The following UNC13C variants were observed in gnomAD, a reference collection of about 807,000 sequenced individuals.
UNC13C encodes unc-13 homolog C.
A neutral mutation model predicts 245.4 loss-of-function variants in UNC13C; 174 were observed. That is an observed-to-expected ratio of 0.71 (90% CI 0.63 to 0.80). The LOEUF (loss-of-function observed/expected upper bound fraction) is 0.80. UNC13C is among the 30% of genes least tolerant of loss of function. The pLI, the probability that UNC13C is intolerant of heterozygous loss-of-function variation, is 0.00. For missense variants in UNC13C, 2,829 were observed against 2,602.9 expected, an observed-to-expected ratio of 1.09 and a Z score of -1.89; for synonymous variants, 992 against 895.1, an observed-to-expected ratio of 1.11 and a Z score of -1.93.
the UNC13C span, among the ~76,000 whole-genome samples, chr15:53,851,378 A>G: frequency 2.0e-5 from 3 of 152,182 alleles, no homozygotes; most frequent in Admixed American, 2.0e-4. Flanking sequence ...AAGTAACAGG[A>G]GCTACCTTTA....
intron 4 of UNC13C, among the ~76,000 whole-genome samples, chr15:54,207,802 T>C (rs1275783194): frequency 1.3e-5 from 2 of 152,174 alleles, no homozygotes; most frequent in African/African-American, 2.4e-5. Context: ...ACCAGACTGG[T>C]TGGGTTCAAA....
At chr15:54,377,120 C>T (rs901992502) in intron 17 of UNC13C, among the ~76,000 whole-genome samples, 2 of 152,148 alleles carry the variant, frequency 1.3e-5, no homozygotes, top group Non-Finnish European at 2.9e-5. Context: ...AATGGATTTT[C>T]CTTCAGAGCC....
chr15:54,448,596 C>T (rs1235034783), intron 19 of UNC13C, among the ~76,000 whole-genome samples: 1 of 152,082 alleles, frequency 6.6e-6, no homozygotes, highest in Non-Finnish European at 1.5e-5. Flanking sequence ...AGGATTGCAA[C>T]CCCTGCCTTT....
At chr15:53,852,370 C>T in the UNC13C span, among the ~76,000 whole-genome samples, 1 of 152,044 alleles carries the variant, frequency 6.6e-6, no homozygotes, top group East Asian at 1.9e-4. Flanking sequence ...TGATTCCAGG[C>T]CTTATGTGAG....
intron 4 of UNC13C, among the ~76,000 whole-genome samples, chr15:54,177,107 A>T (rs1382513206): frequency 6.6e-6 from 1 of 152,128 alleles, no homozygotes; most frequent in Non-Finnish European, 1.5e-5. Flanking sequence ...TGAAAAAAAG[A>T]TTTTAAAAAA....
the UNC13C span, among the ~76,000 whole-genome samples, chr15:53,900,866 C>A: frequency 1.3e-5 from 2 of 152,170 alleles, no homozygotes; most frequent in African/African-American, 4.8e-5. Context: ...ATAGGCACTT[C>A]ATGCTCCCTG....
At chr15:54,586,475 G>T (rs1265742379) in intron 30 of UNC13C, among the ~76,000 whole-genome samples, 1 of 152,036 alleles carries the variant, frequency 6.6e-6, no homozygotes, top group Non-Finnish European at 1.5e-5. Context: ...GAGATCTCTG[G>T]TATCTCTTCC....
intron 29 of UNC13C, among the ~76,000 whole-genome samples, chr15:54,563,900 T>G (rs532199470): frequency 6.6e-6 from 1 of 152,156 alleles, no homozygotes; most frequent in African/African-American, 2.4e-5. Context: ...AAGGTCCATG[T>G]AATAACTGCA....
At chr15:53,949,729 A>G in the UNC13C span, among the ~76,000 whole-genome samples, 11 of 152,320 alleles carry the variant, frequency 7.2e-5, no homozygotes, top group Admixed American at 5.2e-4. Flanking sequence ...GCAAAAATGC[A>G]GATTCCTGGA....
intron 8 of UNC13C, among the ~76,000 whole-genome samples, chr15:54,251,389 T>C (rs1400296156): frequency 6.6e-6 from 1 of 152,226 alleles, no homozygotes; most frequent in African/African-American, 2.4e-5. Context: ...AGAGGGTTAT[T>C]GGAAAGGCTA....
At chr15:54,113,564 A>T (rs2029983283) in intron 2 of UNC13C, among the ~76,000 whole-genome samples, 1 of 152,088 alleles carries the variant, frequency 6.6e-6, no homozygotes, top group South Asian at 2.1e-4. Context: ...ACATTATAAG[A>T]TGCTGTAATC....
chr15:54,333,150 A>G (rs1196581402), intron 15 of UNC13C, among the ~76,000 whole-genome samples: 1 of 152,088 alleles, frequency 6.6e-6, no homozygotes, highest in Non-Finnish European at 1.5e-5. Context: ...GAAATTGACC[A>G]AAGTAAAAAT....
chr15:54,033,093 C>T (rs1484760187), intron 2 of UNC13C, among the ~76,000 whole-genome samples: 1 of 152,032 alleles, frequency 6.6e-6, no homozygotes, highest in Non-Finnish European at 1.5e-5. Context: ...AAAGAACTTA[C>T]TCATGTAACC....
intron 10 of UNC13C, among the ~76,000 whole-genome samples, chr15:54,267,993 A>T (rs2036589588): frequency 6.6e-6 from 1 of 151,924 alleles, no homozygotes; most frequent in Non-Finnish European, 1.5e-5. Context: ...CATGTGCAGA[A>T]AGTGCAGGTT....
intron 17 of UNC13C, among the ~76,000 whole-genome samples, chr15:54,392,293 T>C (rs2039975381): frequency 6.6e-6 from 1 of 152,084 alleles, no homozygotes; most frequent in African/African-American, 2.4e-5. Flanking sequence ...ATTGATATTG[T>C]ACTCTGTTAA....
intron 18 of UNC13C, among the ~76,000 whole-genome samples, chr15:54,403,054 C>A (rs975810119): frequency 6.6e-6 from 1 of 152,154 alleles, no homozygotes; most frequent in Admixed American, 6.5e-5. Flanking sequence ...CCTTAAGCTC[C>A]CTGCCCTGCA....
At chr15:54,167,737 G>A (rs1260143562) in intron 4 of UNC13C, among the ~76,000 whole-genome samples, 2 of 150,524 alleles carry the variant, frequency 1.3e-5, no homozygotes, top group African/African-American at 2.4e-5. Context: ...GGAAAACAAA[G>A]GACTGGTATG....
At position 54,567,782 on chromosome 15, in the gene UNC13C, A is replaced by AT. The variant is rs750214784; in HGVS notation, c.5959-9dup. On this transcript the variant is annotated splice_polypyrimidine_tract_variant and intron_variant, in intron 29 of 32. Transcript: ENST00000260323. ...TACTTCTCTCTAAATGCCTCGGCTT[A>AT]TTTTTTTTTCTTTGTAGCAATACTT... 6.7e-4 allele frequency: 1,023 copies of AT among 1,532,982 alleles called. 1 individual carries two copies. The highest frequency in any genetic ancestry group is 2.0e-3 in the South Asian group (159 of 81,524). The allele number at this position is 1,532,982 out of a possible 1,614,324, so 95.0% of individuals were successfully genotyped here.
intron 17 of UNC13C, among the ~76,000 whole-genome samples, chr15:54,377,689 G>A (rs1596303897): frequency 6.6e-6 from 1 of 152,196 alleles, no homozygotes; most frequent in African/African-American, 2.4e-5. Flanking sequence ...ATTCCTTATA[G>A]ATAGCACAGT....
Sources: allele counts gnomAD v4.1 joint callset (sites outside exome capture counted in the v4.1 genomes callset), GRCh38; gene constraint gnomAD v4.1.1; transcripts MANE v1.5; gene names NCBI Gene and HGNC (gene_info 2026-07-23, HGNC 2026-07-21).